PLA2G4C: variants seen among roughly 807,000 people sequenced by gnomAD.
PLA2G4C encodes phospholipase A2 group IVC, also known as cytosolic phospholipase A2 gamma.
In PLA2G4C, 64 loss-of-function variants were observed where a neutral mutation model predicts 73.8. The ratio of observed to expected loss-of-function variants is 0.87; its 90% CI spans 0.71 to 1.07. PLA2G4C has a LOEUF of 1.07. Ranked by LOEUF, PLA2G4C falls within the 50% of genes least tolerant of loss-of-function variation. The pLI, the probability that PLA2G4C is intolerant of heterozygous loss-of-function variation, is 0.00. For missense variants in PLA2G4C, 622 were observed against 665.4 expected (o/e 0.93, Z 0.72); for synonymous variants, 254 against 252.1 (o/e 1.01, Z -0.07).
At chr19:48,066,177 G>A (rs930831942) in intron 13 of PLA2G4C, among the ~76,000 whole-genome samples, 9 of 151,954 alleles carry the variant, frequency 5.9e-5, no homozygotes, top group Non-Finnish European at 1.0e-4. Context: ...AGGCATGTCC[G>A]ACCCCCACTT....
chr19:48,067,323 C>T (rs1252231776), intron 13 of PLA2G4C, among the ~76,000 whole-genome samples: 1 of 151,832 alleles, frequency 6.6e-6, no homozygotes, highest in Non-Finnish European at 1.5e-5. Context: ...ACCCGCCACC[C>T]TGTCCGGCTA....
chr19:48,061,132 T>C (rs761113300), intron 14 of PLA2G4C, among the ~76,000 whole-genome samples: 6 of 151,736 alleles, frequency 4.0e-5, no homozygotes, highest in Non-Finnish European at 8.8e-5. Context: ...TAAAACAATT[T>C]AGAAAACTAG....
At position 48,099,801 on chromosome 19, in the gene PLA2G4C, T is replaced by C; in HGVS notation, c.317A>G (p.Lys106Arg). ...CCACTCCTGTCGGGTAAATCGATGT[T>C]TCAGGTCAGCCTCGAGAGCTTCCAT... is the stretch of plus-strand genomic sequence containing the variant. ...GDMEALEADLKHRFTRQEWDL... is the reference protein window; with the variant it reads ...GDMEALEADLRHRFTRQEWDL... Residue 106 changes from lysine (K) to arginine (R), a missense_variant, in exon 5 of 17, where the codon AAA becomes AGA. By Grantham distance (26) the Lys-to-Arg change is conservative. Coordinates refer to ENST00000599921, the MANE Select transcript of PLA2G4C (RefSeq NM_003706.3). 7 of 1,613,990 alleles carry C rather than the reference T, an allele frequency of 4.3e-6. No homozygotes were observed. Among genetic ancestry groups the C allele is most frequent in the Non-Finnish European group, 5.9e-6 (7 of 1,179,892 alleles).
intron 13 of PLA2G4C, among the ~76,000 whole-genome samples, chr19:48,062,707 T>G (rs1161091139): frequency 6.6e-6 from 1 of 152,044 alleles, no homozygotes; most frequent in Non-Finnish European, 1.5e-5. Context: ...TTTAAAGAGG[T>G]AATTAAGGTA....
chr19:48,074,911 C>A, intron 11 of PLA2G4C, 37 bp from the exon 12 acceptor site: 13 of 1,348,170 alleles, frequency 9.6e-6, no homozygotes, highest in Non-Finnish European at 1.4e-5. Context: ...AGACACTGTC[C>A]AAGTACCCTA....
At chr19:48,071,924 G>T (rs1968675260) in intron 12 of PLA2G4C, among the ~76,000 whole-genome samples, 1 of 151,794 alleles carries the variant, frequency 6.6e-6, no homozygotes, top group Non-Finnish European at 1.5e-5. Flanking sequence ...GAGGTGGGCG[G>T]ATCACAAGGT....
intron 1 of PLA2G4C, among the ~76,000 whole-genome samples, chr19:48,108,167 G>C (rs2032324482): frequency 1.3e-5 from 2 of 152,132 alleles, no homozygotes; most frequent in Admixed American, 6.6e-5. Context: ...AAGACCCACA[G>C]ACCCTGCAGG....
intron 14 of PLA2G4C, among the ~76,000 whole-genome samples, chr19:48,057,225 G>A (rs1204288488): frequency 6.6e-6 from 1 of 152,044 alleles, no homozygotes; most frequent in East Asian, 1.9e-4. Flanking sequence ...AAGAAAAAGG[G>A]CATTTCTCCT....
At chr19:48,069,362 G>T (rs1968571997) in intron 12 of PLA2G4C, among the ~76,000 whole-genome samples, 1 of 152,136 alleles carries the variant, frequency 6.6e-6, no homozygotes, top group South Asian at 2.1e-4. Context: ...TCCAGGAGCT[G>T]TTCCAAAATG....
At chr19:48,080,803 CAAAA>C (rs200460762) in intron 10 of PLA2G4C, among the ~76,000 whole-genome samples, 5 of 115,720 alleles carry the variant, frequency 4.3e-5, no homozygotes, top group Admixed American at 8.7e-5. Flanking sequence ...GACTCTGCCT[CAAAA>C]AAAAAAAAAA....
intron 12 of PLA2G4C, among the ~76,000 whole-genome samples, chr19:48,073,707 G>A (rs560205928): frequency 1.3e-5 from 2 of 152,144 alleles, no homozygotes; most frequent in South Asian, 2.1e-4. Flanking sequence ...TCTGCTTCTG[G>A]TGGGGCCTCA....
chr19:48,100,258 T>G (rs2031825949), intron 4 of PLA2G4C, among the ~76,000 whole-genome samples: 1 of 152,136 alleles, frequency 6.6e-6, no homozygotes, highest in South Asian at 2.1e-4. Context: ...GGTTCATGCA[T>G]GTAATCCCAG....
chr19:48,083,605 G>A (rs1463000270), intron 10 of PLA2G4C, among the ~76,000 whole-genome samples: 2 of 150,894 alleles, frequency 1.3e-5, no homozygotes, highest in African/African-American at 4.9e-5. Context: ...GTACCACCAC[G>A]CCCGGCTAAT....
chr19:48,057,520 C>T (rs1450564834), intron 14 of PLA2G4C, among the ~76,000 whole-genome samples: 13 of 28,080 alleles, frequency 4.6e-4, no homozygotes, highest in East Asian at 1.8e-3. Context: ...GACAGAGTCT[C>T]GCTCTGTTGC....
At position 48,095,598 on chromosome 19, in the gene PLA2G4C, C is replaced by T; in HGVS notation, c.575G>A (p.Trp192Ter). ...AGCGTGGTGAGGGGTGAACTCGAAC[C>T]AGGTCTCTGCAGAGGAAATACAACG... ...SWQEARAPETWFEFTPHHAGF... is the reference protein window; with the variant it reads ...SWQEARAPET Residue 192 changes from tryptophan (W) to a stop codon, truncating the protein, a stop_gained, in exon 7 of 17, where the codon TGG becomes TAG. Transcript: ENST00000599921. LOFTEE classifies it high-confidence loss of function. 6.2e-7 allele frequency: 1 copy of T among 1,614,074 alleles called. No homozygotes were observed. The highest frequency in any genetic ancestry group is 1.3e-5 in the African/African-American group (1 of 75,058).
intron 15 of PLA2G4C, among the ~76,000 whole-genome samples, chr19:48,054,025 G>A (rs949263966): frequency 1.3e-5 from 2 of 152,142 alleles, no homozygotes; most frequent in East Asian, 3.9e-4. Flanking sequence ...ATGCAAGACC[G>A]AGAGAGGCAG....
In PLA2G4C at chr19:48,050,673, C is replaced by CTTTTTTTTTTTT. The variant is rs5828330; in HGVS notation, c.1581-2297_1581-2286dup. On this transcript the variant is annotated intron_variant, in intron 16 of 16. Transcript: ENST00000599921. ...ATCCCTAGAGCCTGTGAGTATGTGA[C>CTTTTTTTTTTTT]TTTTTTTTTTTTTTTTTTTGAGACA... 6.0e-3 allele frequency among the ~76,000 whole-genome samples: 474 copies of CTTTTTTTTTTTT among 78,724 alleles called. 114 individuals are homozygous for CTTTTTTTTTTTT. The highest frequency in any genetic ancestry group is 0.026 in the East Asian group (50 of 1,892). 51.6% of individuals were successfully genotyped at this position (78,724 alleles called of 152,430 possible).
chr19:48,105,183 T>C (rs924056064), intron 3 of PLA2G4C, 150 bp downstream of exon 3: 1 of 570,640 alleles, frequency 1.8e-6, no homozygotes, highest in Non-Finnish European at 3.1e-6. Context: ...GGGCAATGCC[T>C]GTCCCATAGA....
At chr19:48,057,313 G>A (rs1189898612) in intron 14 of PLA2G4C, among the ~76,000 whole-genome samples, 1 of 151,836 alleles carries the variant, frequency 6.6e-6, no homozygotes, top group East Asian at 1.9e-4. Flanking sequence ...AGATGGCCCA[G>A]TAGAGATGTC....
Sources: gnomAD v4.1 joint callset for allele counts (sites outside exome capture counted in the v4.1 genomes callset) on GRCh38, gnomAD v4.1.1 for gene constraint, MANE v1.5 for transcripts, NCBI Gene and HGNC (gene_info 2026-07-23, HGNC 2026-07-21) for gene names.